The following SERINC1 variants were observed in gnomAD, a reference collection of about 807,000 sequenced individuals.
SERINC1 encodes the protein tumor differentially expressed protein 2.
In SERINC1, 38 loss-of-function variants were observed where a neutral mutation model predicts 52.9. The ratio of observed to expected loss-of-function variants is 0.72; its 90% CI spans 0.55 to 0.94. SERINC1 has a LOEUF of 0.94. Among genes scored for constraint, SERINC1 ranks in the 40% least tolerant of loss-of-function variants. The probability of loss-of-function intolerance (pLI) is 0.00; values close to 1 mark genes in which losing one functional copy is unlikely to be tolerated. For synonymous variants in SERINC1, 198 were observed against 183.1 expected, an observed-to-expected ratio of 1.08 and a Z score of -0.66; for missense variants, 471 against 533.9, an observed-to-expected ratio of 0.88 and a Z score of 1.16.
chr6:122,450,053 AAACAAC>A (rs1774877929), intron 7 of SERINC1, among the ~76,000 whole-genome samples: 1 of 152,142 alleles, frequency 6.6e-6, no homozygotes. Context: ...CAGCCAAACC[AAACAAC>A]AGATTTTCAA....
intron 1 of SERINC1, 99 bp from the exon 2 acceptor site, chr6:122,458,780 G>A: frequency 5.8e-6 from 5 of 856,518 alleles, no homozygotes; most frequent in East Asian, 2.8e-5. Flanking sequence ...TGTTAAAAAA[G>A]AAAAAAGACT....
intron 9 of SERINC1, among the ~76,000 whole-genome samples, chr6:122,445,883 C>CAAAAAAAAAAAAAAAAAAAAAAAAA (rs71018202): frequency 6.4e-5 from 4 of 62,822 alleles, no homozygotes; most frequent in East Asian, 4.7e-4. Context: ...GACTCCATTT[C>CAAAAAAAAAAAAAAAAAAAAAAAAA]AAAAAAAAAA....
rs534938040 is a variant in SERINC1, at chr6:122,469,463, G to A, written c.39+2236C>T. Among the ~76,000 whole-genome samples, 30 of 150,992 alleles carry A rather than the reference G, an allele frequency of 2.0e-4. No individual in the cohort carries two copies. The East Asian group carries it at 2.4e-3, about 12-fold the overall frequency. On this transcript the variant is annotated intron_variant, in intron 1 of 9. Coordinates refer to ENST00000339697, the MANE Select transcript of SERINC1 (RefSeq NM_020755.4). ...GCCATCTTGGCTCACTGCAGCCTCC[G>A]CCTCCTGGGCTTAAGAGATTCTCCT...
At chr6:122,458,159 T>C (rs915546352) in intron 2 of SERINC1, among the ~76,000 whole-genome samples, 4 of 152,226 alleles carry the variant, frequency 2.6e-5, no homozygotes, top group Non-Finnish European at 4.4e-5. Context: ...TCCTAAAGTA[T>C]AGATACTTTG....
chr6:122,445,883 C>CAAAAAAAAA lies in SERINC1; in HGVS notation c.1227-713_1227-705dup, dbSNP rs71018202. Among the ~76,000 whole-genome samples, 181 of 62,748 alleles carry CAAAAAAAAA rather than the reference C, an allele frequency of 2.9e-3. 19 individuals are homozygous for CAAAAAAAAA. In the East Asian group the frequency reaches 0.041, roughly 14 times the overall value. The allele number at this position is 62,748 out of a possible 152,430, so 41.2% of individuals were successfully genotyped here. A position where few individuals can be genotyped will look rare whatever the true frequency, so the allele number is the denominator to read the frequency against. Reference sequence around the variant, plus strand: ...TGGGTGACAGAGCAAGACTCCATTTCAAAAAAAAAAAAAAAAAGAACCAGC... The same window carrying CAAAAAAAAA: ...TGGGTGACAGAGCAAGACTCCATTTCAAAAAAAAAAAAAAAAAAAAAAAAAAGAACCAGC... On this transcript the variant is annotated intron_variant, in intron 9 of 9. Coordinates refer to ENST00000339697, the MANE Select transcript of SERINC1 (RefSeq NM_020755.4).
At position 122,458,425 on chromosome 6, in the gene SERINC1, T is replaced by C. The variant is rs1233394295; in HGVS notation, c.201+95A>G. On this transcript the variant is annotated intron_variant, in intron 2 of 9. Transcript: ENST00000339697. Reference sequence around the variant, plus strand: ...TAGGATTACATACTGTCTTATTCTATATTATTCTGTTTACAATATCCCCGA... The same window carrying C: ...TAGGATTACATACTGTCTTATTCTACATTATTCTGTTTACAATATCCCCGA... The C allele has an allele frequency of 1.1e-5, 9 of 801,658 alleles. No individual in the cohort carries two copies. In the East Asian group the frequency reaches 1.3e-4, roughly 11 times the overall value. 49.7% of individuals were successfully genotyped at this position (801,658 alleles called of 1,614,324 possible). A position where few individuals can be genotyped will look rare whatever the true frequency, so the allele number is the denominator to read the frequency against.
chr6:122,467,791 A>C (rs983773736), intron 1 of SERINC1, among the ~76,000 whole-genome samples: 10 of 152,202 alleles, frequency 6.6e-5, no homozygotes, highest in African/African-American at 2.2e-4. Context: ...TCATTTACCA[A>C]AATTATTTAG....
At chr6:122,446,416 TAATG>T (rs1444418541) in intron 9 of SERINC1, among the ~76,000 whole-genome samples, 1 of 152,106 alleles carries the variant, frequency 6.6e-6, no homozygotes, top group East Asian at 1.9e-4. Flanking sequence ...TCAGAGCTTT[TAATG>T]ACAGTTCAAA....
rs78525971 is a variant in SERINC1, at chr6:122,465,708, C to G, written c.39+5991G>C. ...CTAAATATGAACAAATAGCTACTGA[C>G]CACTGAATACTCCGGAAAACACTAA... On this transcript the variant is annotated intron_variant, in intron 1 of 9. Transcript: ENST00000339697. 2.2e-3 allele frequency among the ~76,000 whole-genome samples: 334 copies of G among 152,218 alleles called. 8 individuals carry two copies. The East Asian group carries it at 0.043, about 20-fold the overall frequency.
chr6:122,447,323 C>G, intron 7 of SERINC1, 58 bp from the exon 8 acceptor site: 1 of 1,393,152 alleles, frequency 7.2e-7, no homozygotes, highest in Non-Finnish European at 1.0e-6. Flanking sequence ...TTTTTCAGAG[C>G]AAACAAAAGT....
chr6:122,449,754 C>T lies in SERINC1; in HGVS notation c.850+1910G>A, dbSNP rs1267177504. Among the ~76,000 whole-genome samples the T allele has an allele frequency of 3.9e-5, 6 of 152,168 alleles. 1 individual carries two copies. Among genetic ancestry groups the T allele is most frequent in the Admixed American group, 1.3e-4 (2 of 15,280 alleles). ...TACACTGGTCAGGCATGGTTGCTCA[C>T]GCCTGTAAGTTCAGCACTTTGGGAG... On this transcript the variant is annotated intron_variant, in intron 7 of 9. Coordinates refer to ENST00000339697, the MANE Select transcript of SERINC1 (RefSeq NM_020755.4).
At chr6:122,459,972 GA>G (rs2114485706) in intron 1 of SERINC1, among the ~76,000 whole-genome samples, 1 of 152,222 alleles carries the variant, frequency 6.6e-6, no homozygotes, top group Non-Finnish European at 1.5e-5. Context: ...TTAAACAATG[GA>G]AAAAATAAGT....
chr6:122,446,507 A>T (rs1774806028), intron 9 of SERINC1, among the ~76,000 whole-genome samples: 1 of 152,214 alleles, frequency 6.6e-6, no homozygotes, highest in East Asian at 1.9e-4. Flanking sequence ...ATCCACTATC[A>T]ACATGGATTT....
chr6:122,467,167 C>T (rs993948649), intron 1 of SERINC1, among the ~76,000 whole-genome samples: 1 of 152,070 alleles, frequency 6.6e-6, no homozygotes, highest in Non-Finnish European at 1.5e-5. Flanking sequence ...AAGTGAGATC[C>T]AGGATGAAAA....
Position 122,452,069 on chromosome 6 carries a change from A to C in SERINC1, c.590-12T>G. On this transcript the variant is annotated splice_polypyrimidine_tract_variant and intron_variant, in intron 5 of 9. Coordinates refer to ENST00000339697, the MANE Select transcript of SERINC1 (RefSeq NM_020755.4). ...AGCTGATAACAAGGCTGTGAAAGAA[A>C]TATAATTGGATAATTAGCTTTTTAT... 6.9e-7 allele frequency: 1 copy of C among 1,441,542 alleles called. No homozygotes were observed. Among genetic ancestry groups the C allele is most frequent in the Non-Finnish European group, 9.2e-7 (1 of 1,089,338 alleles). The allele number at this position is 1,441,542 out of a possible 1,614,324, so 89.3% of individuals were successfully genotyped here.
At chr6:122,445,214 A>AG in intron 9 of SERINC1, 35 bp from the exon 10 acceptor site, 1 of 1,603,968 alleles carries the variant, frequency 6.2e-7, no homozygotes, top group South Asian at 1.1e-5. Flanking sequence ...AAAAGGGGCA[A>AG]GGGGGTTGAA....
Position 122,453,767 on chromosome 6 carries a change from T to C in SERINC1, c.589+3A>G, listed in dbSNP as rs140834654. The C allele has an allele frequency of 7.4e-3, 11,779 of 1,595,748 alleles. 51 individuals are homozygous for C. The highest frequency in any genetic ancestry group is 9.0e-3 in the Non-Finnish European group (10,550 of 1,167,904). On this transcript the variant is annotated splice_donor_region_variant and intron_variant, in intron 5 of 9. Coordinates refer to ENST00000339697, the MANE Select transcript of SERINC1 (RefSeq NM_020755.4). ...CTGAAGTTGTTCTGCGACGAAAGCT[T>C]ACCTGCATACCAACATCTCGAGTTC...
chr6:122,445,538 C>T (rs1269704398), intron 9 of SERINC1, among the ~76,000 whole-genome samples: 9 of 152,142 alleles, frequency 5.9e-5, no homozygotes, highest in Admixed American at 5.2e-4. Flanking sequence ...TGGAACTCCT[C>T]ACCTGATTTC....
chr6:122,458,475 T>A, intron 2 of SERINC1, 45 bp downstream of exon 2: 1 of 1,379,594 alleles, frequency 7.2e-7, no homozygotes, highest in Non-Finnish European at 1.0e-6. Context: ...TATACATATA[T>A]ACCCTATAGC....
Sources: allele counts gnomAD v4.1 joint callset (sites outside exome capture counted in the v4.1 genomes callset), GRCh38; gene constraint gnomAD v4.1.1; transcripts MANE v1.5; gene names NCBI Gene and HGNC (gene_info 2026-07-23, HGNC 2026-07-21).